The following STRBP variants were observed in gnomAD, a reference collection of about 807,000 sequenced individuals.
The protein encoded by STRBP is spermatid perinuclear RNA binding protein.
In STRBP, 13 loss-of-function variants were observed where a neutral mutation model predicts 80.1. That is an observed-to-expected ratio of 0.16 (90% CI 0.11 to 0.26). The LOEUF is 0.26. STRBP is among the 10% of genes least tolerant of loss of function. The probability of loss-of-function intolerance (pLI) is 1.00; values close to 1 mark genes in which losing one functional copy is unlikely to be tolerated. For synonymous variants in STRBP, 284 were observed against 291.2 expected (o/e 0.98, Z 0.25); for missense variants, 485 against 815.2 (o/e 0.59, Z 4.93).
intron 2 of STRBP, among the ~76,000 whole-genome samples, chr9:123,234,148 C>G (rs2040479114): frequency 7.0e-6 from 1 of 142,754 alleles, no homozygotes; most frequent in Non-Finnish European, 1.5e-5. Flanking sequence ...TTGTGGTGAG[C>G]AGAGATCACA....
chr9:123,212,098 T>C (rs992027006), intron 2 of STRBP, among the ~76,000 whole-genome samples: 2 of 152,172 alleles, frequency 1.3e-5, no homozygotes, highest in Admixed American at 1.3e-4. Flanking sequence ...TTAATACGGA[T>C]TTTTTTCAGT....
chr9:123,136,975 CAG>C lies in STRBP; in HGVS notation c.1498-462_1498-461del, dbSNP rs1179615119. Among the ~76,000 whole-genome samples, 1 of 152,158 alleles carries C rather than the reference CAG, an allele frequency of 6.6e-6. No individual in the cohort carries two copies. The highest frequency in any genetic ancestry group is 1.5e-5 in the Non-Finnish European group (1 of 68,026). Reference sequence around the variant, plus strand: ...CCATACACCTCTCAGTCACTCTAAACAGATTTAAGGGGACCTAAGGTAAAAAC... The same window carrying C: ...CCATACACCTCTCAGTCACTCTAAACATTTAAGGGGACCTAAGGTAAAAAC... On this transcript the variant is annotated intron_variant, in intron 14 of 18. Coordinates refer to ENST00000348403, the MANE Select transcript of STRBP (RefSeq NM_018387.5). This position sits in a 1 kb window ranked among gnomAD's most constrained non-coding sequence, Gnocchi z 4.2.
chr9:123,221,068 G>T lies in STRBP; in HGVS notation c.-165+15762C>A, dbSNP rs147909991. 2.0e-4 allele frequency among the ~76,000 whole-genome samples: 31 copies of T among 151,842 alleles called. No individual in the cohort carries two copies. In the East Asian group the frequency reaches 3.1e-3, roughly 15 times the overall value. On this transcript the variant is annotated intron_variant, in intron 2 of 18. Transcript: ENST00000348403. ...ATAATTAGAGAAAGAAAACAACAAA[G>T]AATTTTTAAAAAGAGAAAAGGAGGA...
intron 13 of STRBP, among the ~76,000 whole-genome samples, chr9:123,143,691 CA>C (rs1337510702): frequency 6.6e-6 from 1 of 151,972 alleles, no homozygotes; most frequent in Non-Finnish European, 1.5e-5. Context: ...TCTTTTGACC[CA>C]ATAATTCTAT....
intron 1 of STRBP, among the ~76,000 whole-genome samples, chr9:123,253,192 AGAG>A (rs2040952770): frequency 6.6e-6 from 1 of 152,250 alleles, no homozygotes; most frequent in Non-Finnish European, 1.5e-5. Context: ...ACTCATTAAA[AGAG>A]AAGAAAAAAA....
intron 11 of STRBP, among the ~76,000 whole-genome samples, chr9:123,156,999 C>A (rs1224246624): frequency 1.3e-5 from 2 of 152,008 alleles, no homozygotes; most frequent in African/African-American, 4.8e-5. Context: ...TTCTAGGCAA[C>A]AAGTCAGGCA....
intron 3 of STRBP, chr9:123,111,543 C>T: frequency 2.3e-6 from 1 of 438,742 alleles, no homozygotes; most frequent in Admixed American, 2.9e-5. Flanking sequence ...TGCCTGTAGG[C>T]AGGGGCAGGG....
intron 1 of STRBP, among the ~76,000 whole-genome samples, chr9:123,248,163 A>G (rs1169941287): frequency 6.6e-6 from 1 of 152,170 alleles, no homozygotes; most frequent in Non-Finnish European, 1.5e-5. Context: ...CATAAATGCA[A>G]ATAACATAAT....
At chr9:123,112,832 T>TC (rs1328014063) in intron 3 of STRBP, 1 of 164,484 alleles carries the variant, frequency 6.1e-6, no homozygotes, top group Non-Finnish European at 1.5e-5. Flanking sequence ...CATAGAGCGT[T>TC]CCCGCCATGT....
intron 2 of STRBP, among the ~76,000 whole-genome samples, chr9:123,220,875 T>C (rs1265459208): frequency 1.3e-5 from 2 of 152,174 alleles, no homozygotes; most frequent in Admixed American, 6.5e-5. Context: ...GTTGCAGAGC[T>C]AGTACGCAGG....
intron 6 of STRBP, among the ~76,000 whole-genome samples, chr9:123,162,334 C>T (rs2037557259): frequency 6.6e-6 from 1 of 152,094 alleles, no homozygotes; most frequent in South Asian, 2.1e-4. Context: ...AAGCGATCCT[C>T]CCACCTCACC....
At chr9:123,250,360 G>A (rs2040886235) in intron 1 of STRBP, among the ~76,000 whole-genome samples, 1 of 152,048 alleles carries the variant, frequency 6.6e-6, no homozygotes, top group African/African-American at 2.4e-5. Context: ...CTTTTGTCTT[G>A]TGTTAACATA....
intron 16 of STRBP, among the ~76,000 whole-genome samples, chr9:123,135,443 A>C (rs983407557): frequency 2.0e-5 from 3 of 152,210 alleles, no homozygotes; most frequent in Non-Finnish European, 4.4e-5. Context: ...TGAATGCATA[A>C]ATGAATGGAT....
At chr9:123,198,292 T>G (rs368448563) in intron 2 of STRBP, among the ~76,000 whole-genome samples, 1 of 152,002 alleles carries the variant, frequency 6.6e-6, no homozygotes. Flanking sequence ...CCCGCCATCA[T>G]GCCAGGCTAA....
intron 11 of STRBP, among the ~76,000 whole-genome samples, chr9:123,148,209 A>G (rs1264798561): frequency 2.0e-5 from 3 of 152,166 alleles, no homozygotes; most frequent in Non-Finnish European, 4.4e-5. Context: ...GTGGTGGGGA[A>G]CCTGGAAGGT....
chr9:123,155,090 G>A (rs917195381), intron 11 of STRBP, among the ~76,000 whole-genome samples: 1 of 152,202 alleles, frequency 6.6e-6, no homozygotes, highest in Non-Finnish European at 1.5e-5. Flanking sequence ...TAAGAGGCGA[G>A]GCATTTTCTG....
chr9:123,191,349 G>C (rs1027348747), intron 2 of STRBP, among the ~76,000 whole-genome samples: 4 of 152,020 alleles, frequency 2.6e-5, no homozygotes, highest in African/African-American at 9.7e-5. Flanking sequence ...GGAAGGGCGT[G>C]CCTGCGTTCA....
At chr9:123,117,512 G>A (rs1467701022), downstream of STRBP, among the ~76,000 whole-genome samples, 1 of 152,070 alleles carries the variant, frequency 6.6e-6, no homozygotes, top group African/African-American at 2.4e-5. Flanking sequence ...TACCATACAC[G>A]GGTCCAACTT....
At chr9:123,179,868 G>C (rs931099709) in intron 3 of STRBP, among the ~76,000 whole-genome samples, 1 of 152,192 alleles carries the variant, frequency 6.6e-6, no homozygotes, top group African/African-American at 2.4e-5. Flanking sequence ...AGCTTCAAGA[G>C]AGTCGCAGAA....
Sources: allele counts gnomAD v4.1 joint callset (sites outside exome capture counted in the v4.1 genomes callset), GRCh38; gene constraint gnomAD v4.1.1; non-coding constraint Gnocchi (gnomAD v3.1); transcripts MANE v1.5; gene names NCBI Gene and HGNC (gene_info 2026-07-23, HGNC 2026-07-21).